TCF4: variants seen among roughly 807,000 people sequenced by gnomAD.
The protein encoded by TCF4 is SL3-3 enhancer factor 2.
A neutral mutation model predicts 82.1 loss-of-function variants in TCF4; 3 were observed. That is an observed-to-expected ratio of 0.04 (90% CI 0.02 to 0.09). The LOEUF is 0.09. TCF4 is among the 10% of genes least tolerant of loss of function. TCF4 has a pLI of 1.00. For missense variants in TCF4, 518 were observed against 852.7 expected (o/e 0.61, Z 4.89); for synonymous variants, 276 against 309.6 (o/e 0.89, Z 1.14).
At chr18:55,369,166 T>C (rs1217418059) in intron 6 of TCF4, among the ~76,000 whole-genome samples, 1 of 152,158 alleles carries the variant, frequency 6.6e-6, no homozygotes, top group Non-Finnish European at 1.5e-5. Context: ...ATTGAAACCT[T>C]CCCTAATGAA....
chr18:55,436,359 T>G (rs2095329564), intron 5 of TCF4, among the ~76,000 whole-genome samples: 1 of 152,356 alleles, frequency 6.6e-6, no homozygotes, highest in South Asian at 2.1e-4. Context: ...GGTTACATTT[T>G]CAACTTCCCC....
intron 8 of TCF4, among the ~76,000 whole-genome samples, chr18:55,306,107 A>C (rs2070236219): frequency 1.3e-5 from 2 of 152,224 alleles, no homozygotes; most frequent in Non-Finnish European, 2.9e-5. Context: ...TAACAACAAA[A>C]TCAACCACTG....
intron 8 of TCF4, among the ~76,000 whole-genome samples, chr18:55,305,927 C>T (rs948473599): frequency 1.3e-5 from 2 of 152,140 alleles, no homozygotes; most frequent in African/African-American, 4.8e-5. Context: ...CAGAGGTGAA[C>T]TATTTTCCCA....
At chr18:55,597,444 C>G (rs1269561703) in intron 2 of TCF4, among the ~76,000 whole-genome samples, 1 of 152,062 alleles carries the variant, frequency 6.6e-6, no homozygotes, top group Non-Finnish European at 1.5e-5. Flanking sequence ...GTGGGCGGAT[C>G]ACCTGAGGTC....
At chr18:55,590,396 T>C (rs921303471), upstream of TCF4, among the ~76,000 whole-genome samples, 1 of 152,186 alleles carries the variant, frequency 6.6e-6, no homozygotes, top group African/African-American at 2.4e-5. Flanking sequence ...ACTTTCCAAG[T>C]CCAAAAAGTC....
At chr18:55,511,285 T>C (rs1271602137) in intron 3 of TCF4, among the ~76,000 whole-genome samples, 1 of 146,980 alleles carries the variant, frequency 6.8e-6, no homozygotes, top group African/African-American at 2.5e-5. Context: ...AGTTTTATTT[T>C]TGGATTTGCA....
chr18:55,289,100 T>G lies in TCF4; in HGVS notation c.550-9444A>C, dbSNP rs145332381. ...CCCACTGCCAACATTATGAGTACCT[T>G]GGCCCTAGCTGAGAGTGCCTTAAAC... is the stretch of plus-strand genomic sequence containing the variant. On this transcript the variant is annotated intron_variant, in intron 8 of 19. Coordinates refer to ENST00000354452, the MANE Select transcript of TCF4 (RefSeq NM_001083962.2). Among the ~76,000 whole-genome samples, 246 of 152,322 alleles carry G rather than the reference T, an allele frequency of 1.6e-3. 3 individuals are homozygous for G. The East Asian group carries it at 0.041, about 26-fold the overall frequency.
At chr18:55,327,670 C>T (rs1895661780) in intron 8 of TCF4, among the ~76,000 whole-genome samples, 1 of 152,084 alleles carries the variant, frequency 6.6e-6, no homozygotes, top group Non-Finnish European at 1.5e-5. Flanking sequence ...ACATTGATTA[C>T]TAAGGTAAGC....
At chr18:55,499,958 G>A (rs969350375) in intron 3 of TCF4, among the ~76,000 whole-genome samples, 11 of 152,118 alleles carry the variant, frequency 7.2e-5, no homozygotes, top group Non-Finnish European at 1.2e-4. Context: ...TGAGGCAGGC[G>A]GATCACACAA....
intron 6 of TCF4, 146 bp from the exon 7 acceptor site, chr18:55,351,149 A>C: frequency 1.0e-6 from 1 of 975,404 alleles, no homozygotes; most frequent in Non-Finnish European, 1.5e-6. Flanking sequence ...AAAAACCCAA[A>C]AGAAAGGCAG....
In TCF4 at chr18:55,456,135, C is replaced by T. The variant is rs77487733; in HGVS notation, c.304+4884G>A. 6.3e-3 allele frequency among the ~76,000 whole-genome samples: 958 copies of T among 152,262 alleles called. 12 individuals carry two copies. Among genetic ancestry groups the T allele is most frequent in the African/African-American group, 0.022 (927 of 41,554 alleles). ...TGCTAGGCAAACGGAGCGGTGGAAC[C>T]GAATTATAATGAGCTAGCAGCTGTC... On this transcript the variant is annotated intron_variant, in intron 5 of 19. Coordinates refer to ENST00000354452, the MANE Select transcript of TCF4 (RefSeq NM_001083962.2).
chr18:55,260,556 C>A (rs1037414289), intron 12 of TCF4, among the ~76,000 whole-genome samples: 2 of 152,032 alleles, frequency 1.3e-5, no homozygotes, highest in Non-Finnish European at 2.9e-5. Flanking sequence ...AAGAAATCTC[C>A]ACTTACATTT....
At chr18:55,585,249 T>G in intron 3 of TCF4, 31 bp downstream of exon 3, 1 of 1,597,550 alleles carries the variant, frequency 6.3e-7, no homozygotes, top group Non-Finnish European at 8.6e-7. Flanking sequence ...CCAGAACATT[T>G]AACTTAACAC....
chr18:55,387,587 G>A (rs1047268816), intron 6 of TCF4, among the ~76,000 whole-genome samples: 1 of 152,220 alleles, frequency 6.6e-6, no homozygotes, highest in African/African-American at 2.4e-5. Flanking sequence ...ATTTAGTCAA[G>A]TATATTTTAT....
chr18:55,327,515 G>A (rs1359940658), intron 8 of TCF4, among the ~76,000 whole-genome samples: 2 of 152,012 alleles, frequency 1.3e-5, no homozygotes, highest in Non-Finnish European at 2.9e-5. Context: ...CTTTTTTAGT[G>A]ACTTCCTATG....
intron 8 of TCF4, among the ~76,000 whole-genome samples, chr18:55,337,823 A>G (rs1458374782): frequency 1.3e-5 from 2 of 152,054 alleles, no homozygotes; most frequent in African/African-American, 4.8e-5. Context: ...GAGATTTTGT[A>G]TGGATCACCT....
At chr18:55,529,867 T>C (rs998514720) in intron 3 of TCF4, among the ~76,000 whole-genome samples, 2 of 152,140 alleles carry the variant, frequency 1.3e-5, no homozygotes, top group Non-Finnish European at 2.9e-5. Context: ...TTGTGGCCAT[T>C]TCTGCAGGTG....
At chr18:55,269,712 T>C in intron 11 of TCF4, 119 bp downstream of exon 11, 1 of 1,280,240 alleles carries the variant, frequency 7.8e-7, no homozygotes, top group East Asian at 2.4e-5. Flanking sequence ...GTTCATTCTG[T>C]CATGTGACTA....
At chr18:55,393,408 G>C (rs2093298503) in intron 6 of TCF4, among the ~76,000 whole-genome samples, 1 of 152,014 alleles carries the variant, frequency 6.6e-6, no homozygotes, top group Non-Finnish European at 1.5e-5. Flanking sequence ...AATCCAATAG[G>C]AATTCATCTG....
Sources: allele counts gnomAD v4.1 joint callset (sites outside exome capture counted in the v4.1 genomes callset), GRCh38; gene constraint gnomAD v4.1.1; transcripts MANE v1.5; gene names NCBI Gene and HGNC (gene_info 2026-07-23, HGNC 2026-07-21).